The following SMYD3 variants were observed in gnomAD, a reference collection of about 807,000 sequenced individuals.
SMYD3 encodes the protein histone-lysine N-methyltransferase SMYD3.
A neutral mutation model predicts 57.7 loss-of-function variants in SMYD3; 36 were observed. The ratio of observed to expected loss-of-function variants is 0.62; its 90% CI spans 0.48 to 0.82. The LOEUF (loss-of-function observed/expected upper bound fraction) is 0.82. Among genes scored for constraint, SMYD3 ranks in the 40% least tolerant of loss-of-function variants. The probability of loss-of-function intolerance (pLI) is 0.00; values close to 1 mark genes in which losing one functional copy is unlikely to be tolerated. For missense variants in SMYD3, 515 were observed against 538.8 expected (o/e 0.96, Z 0.44); for synonymous variants, 211 against 195.0 (o/e 1.08, Z -0.68).
At chr1:246,487,217 C>A (rs1160870736) in intron 1 of SMYD3, among the ~76,000 whole-genome samples, 2 of 140,488 alleles carry the variant, frequency 1.4e-5, no homozygotes. Flanking sequence ...GGAGGCCAAG[C>A]GAGTGGATCA....
intron 1 of SMYD3, among the ~76,000 whole-genome samples, chr1:246,403,343 A>T (rs2066804317): frequency 6.6e-6 from 1 of 151,622 alleles, no homozygotes; most frequent in Non-Finnish European, 1.5e-5. Context: ...AAAAAAAAAA[A>T]TTTAATTAGC....
chr1:246,014,550 T>C (rs747597848), intron 5 of SMYD3, among the ~76,000 whole-genome samples: 1 of 152,022 alleles, frequency 6.6e-6, no homozygotes, highest in Non-Finnish European at 1.5e-5. Flanking sequence ...TGTCTCCAGT[T>C]CTCCAAAATA....
chr1:245,927,229 C>A (rs2056432389), intron 7 of SMYD3, among the ~76,000 whole-genome samples: 1 of 152,220 alleles, frequency 6.6e-6, no homozygotes, highest in Non-Finnish European at 1.5e-5. Context: ...CCAGTGCAAG[C>A]TTAGGTTCAG....
chr1:245,842,469 TCCTG>T (rs1287513516), intron 10 of SMYD3, among the ~76,000 whole-genome samples: 27 of 152,090 alleles, frequency 1.8e-4, no homozygotes, highest in Admixed American at 1.8e-3. Context: ...GGAACAATTA[TCCTG>T]ACAGAACACA....
At chr1:246,161,562 T>A (rs979073589) in intron 5 of SMYD3, among the ~76,000 whole-genome samples, 1 of 152,224 alleles carries the variant, frequency 6.6e-6, no homozygotes, top group African/African-American at 2.4e-5. Flanking sequence ...CCTTGGTATA[T>A]CATGCTCTAT....
chr1:245,880,180 C>T (rs974006458), intron 8 of SMYD3, among the ~76,000 whole-genome samples: 1 of 152,258 alleles, frequency 6.6e-6, no homozygotes, highest in African/African-American at 2.4e-5. Context: ...GTTCTTGCAG[C>T]TGCAGCACCA....
intron 5 of SMYD3, among the ~76,000 whole-genome samples, chr1:246,233,390 A>G (rs28417437): frequency 0.015 from 1,419 of 95,788 alleles, 61 homozygotes; most frequent in African/African-American, 0.069. Flanking sequence ...GAGGAGAAGC[A>G]CTCCCCAATT....
At chr1:246,324,416 C>CAAAAAA (rs897518368) in intron 5 of SMYD3, among the ~76,000 whole-genome samples, 2 of 42,560 alleles carry the variant, frequency 4.7e-5, no homozygotes, top group African/African-American at 1.4e-4. Flanking sequence ...AACTCCATCT[C>CAAAAAA]AAAAAAAAAA....
At chr1:246,042,970 G>GA (rs912607033) in intron 5 of SMYD3, among the ~76,000 whole-genome samples, 81 of 152,084 alleles carry the variant, frequency 5.3e-4, no homozygotes, top group African/African-American at 1.9e-3. Flanking sequence ...AGGGATAAAT[G>GA]AAAAATCAAA....
At chr1:245,797,544 T>A (rs1382571776) in intron 10 of SMYD3, among the ~76,000 whole-genome samples, 53 of 108,066 alleles carry the variant, frequency 4.9e-4, no homozygotes, top group South Asian at 1.5e-3. Context: ...GGGGAGGGGG[T>A]AGGATAGCAT....
intron 1 of SMYD3, among the ~76,000 whole-genome samples, chr1:246,362,455 C>T (rs1423124102): frequency 3.9e-5 from 1 of 25,526 alleles, no homozygotes; most frequent in African/African-American, 7.2e-5. Flanking sequence ...CCCTCTCCCT[C>T]TCCCTCTCCA....
chr1:246,382,065 C>G (rs1052568428), intron 1 of SMYD3, among the ~76,000 whole-genome samples: 1 of 150,818 alleles, frequency 6.6e-6, no homozygotes, highest in Non-Finnish European at 1.5e-5. Context: ...CCAGGCCAAC[C>G]GTGGGCTCCA....
chr1:246,206,857 G>GTT (rs2063008549), intron 5 of SMYD3, among the ~76,000 whole-genome samples: 1 of 152,184 alleles, frequency 6.6e-6, no homozygotes, highest in Non-Finnish European at 1.5e-5. Flanking sequence ...TTTATAAACT[G>GTT]TATAACAGCT....
At chr1:245,858,885 C>T (rs1572528926) in intron 9 of SMYD3, among the ~76,000 whole-genome samples, 2 of 152,164 alleles carry the variant, frequency 1.3e-5, no homozygotes, top group Non-Finnish European at 2.9e-5. Flanking sequence ...CAAACTATCT[C>T]GTAACCAGGC....
intron 5 of SMYD3, among the ~76,000 whole-genome samples, chr1:246,084,220 CTTTTCTG>C (rs1481067860): frequency 1.2e-5 from 1 of 80,450 alleles, no homozygotes; most frequent in African/African-American, 4.7e-5. Context: ...TTTCTTTTTT[CTTTTCTG>C]GAGACAAGAG....
At chr1:246,054,872 A>G (rs995556371) in intron 5 of SMYD3, among the ~76,000 whole-genome samples, 2 of 133,304 alleles carry the variant, frequency 1.5e-5, no homozygotes, top group African/African-American at 3.4e-5. Context: ...TAGGATGACT[A>G]TAAAAAAAAA....
At chr1:245,752,122 A>G (rs930675447) in intron 11 of SMYD3, among the ~76,000 whole-genome samples, 1 of 152,246 alleles carries the variant, frequency 6.6e-6, no homozygotes, top group African/African-American at 2.4e-5. Context: ...GAGAGCCTTC[A>G]TGGGAAATTT....
intron 1 of SMYD3, among the ~76,000 whole-genome samples, chr1:246,444,139 T>TC (rs1426333312): frequency 6.6e-6 from 1 of 151,510 alleles, no homozygotes; most frequent in African/African-American, 2.4e-5. Flanking sequence ...TTTTTTTTTT[T>TC]TTTTGGAGAC....
At chr1:246,444,522 G>A (rs1004291414) in intron 1 of SMYD3, among the ~76,000 whole-genome samples, 15 of 152,188 alleles carry the variant, frequency 9.9e-5, no homozygotes, top group Non-Finnish European at 2.1e-4. Flanking sequence ...TGCTGGGTCA[G>A]AAGCATGACT....
Sources: allele counts gnomAD v4.1 joint callset (sites outside exome capture counted in the v4.1 genomes callset), GRCh38; gene constraint gnomAD v4.1.1; transcripts MANE v1.5; gene names NCBI Gene and HGNC (gene_info 2026-07-23, HGNC 2026-07-21).